GTPBP4: variants seen among roughly 807,000 people sequenced by gnomAD.
GTPBP4 encodes the protein GTP binding protein 4.
Under a neutral mutation model 81.7 loss-of-function variants are expected in GTPBP4, and 15 were observed. That is an observed-to-expected ratio of 0.18 (90% CI 0.12 to 0.28). The LOEUF (loss-of-function observed/expected upper bound fraction) is 0.28. Ranked by LOEUF, GTPBP4 falls within the 10% of genes least tolerant of loss-of-function variation. GTPBP4 has a pLI of 1.00. For missense variants in GTPBP4, 847 were observed against 793.8 expected (o/e 1.07, Z -0.81); for synonymous variants, 272 against 274.6 (o/e 0.99, Z 0.09).
intron 2 of GTPBP4, among the ~76,000 whole-genome samples, chr10:993,933 A>G (rs1429928659): frequency 6.6e-6 from 1 of 150,888 alleles, no homozygotes; most frequent in Non-Finnish European, 1.5e-5. Context: ...CTAGTTTTGT[A>G]TTTTTAGTAG....
chr10:1,000,356 G>A (rs925624769), intron 6 of GTPBP4, among the ~76,000 whole-genome samples: 1 of 146,956 alleles, frequency 6.8e-6, no homozygotes, highest in Non-Finnish European at 1.5e-5. Flanking sequence ...TCCTACCTCA[G>A]CCTCCCGAGT....
chr10:998,885 A>G (rs1831578167), intron 5 of GTPBP4, 118 bp from the exon 6 acceptor site: 1 of 673,946 alleles, frequency 1.5e-6, no homozygotes, highest in Middle Eastern at 2.4e-4. Context: ...ATGCAGTTTT[A>G]TCGTGTGAGG....
Position 1,019,817 on chromosome 10 carries a change from A to G in GTPBP4, c.*2590A>G, listed in dbSNP as rs1564473978. The G allele has an allele frequency of 6.2e-7, 1 of 1,613,718 alleles. No homozygotes were observed. The highest frequency in any genetic ancestry group is 8.5e-7 in the Non-Finnish European group (1 of 1,179,592). On this transcript the variant is annotated 3_prime_UTR_variant, in exon 17 of 17. Transcript: ENST00000360803. ...TGTGGTGATAGATTGTCATGAACACAATGTCCTCTGGAGAAATCTATTGAC... is the reference window on the plus strand; with the variant it reads ...TGTGGTGATAGATTGTCATGAACACGATGTCCTCTGGAGAAATCTATTGAC...
At chr10:1,013,336 G>T (rs183258013) in intron 14 of GTPBP4, among the ~76,000 whole-genome samples, 5 of 151,542 alleles carry the variant, frequency 3.3e-5, no homozygotes, top group South Asian at 4.2e-4. Flanking sequence ...TAGGCCGGGC[G>T]CAGTGGCTCA....
intron 5 of GTPBP4, among the ~76,000 whole-genome samples, chr10:998,694 C>T (rs903619561): frequency 6.6e-6 from 1 of 152,226 alleles, no homozygotes; most frequent in Non-Finnish European, 1.5e-5. Context: ...CCGGTTTGGA[C>T]AGTGCAGACA....
chr10:993,058 G>A (rs1024763411), intron 2 of GTPBP4, among the ~76,000 whole-genome samples: 1 of 151,426 alleles, frequency 6.6e-6, no homozygotes, highest in African/African-American at 2.4e-5. Flanking sequence ...TTTTTCCTCT[G>A]GGCTCAGCTT....
rs535033037 is a variant in GTPBP4 at position 1,001,137 on chromosome 10, A to G, written c.912+124A>G. The G allele has an allele frequency of 5.9e-6, 4 of 672,684 alleles. No homozygotes were observed. The Admixed American group carries it at 9.9e-5, about 17-fold the overall frequency. The allele number at this position is 672,684 out of a possible 1,614,324, so 41.7% of individuals were successfully genotyped here. ...TCCACAATTGTATTTTATAGTTGAGATAATATCCTCAGTGGTTTAGTGAAA... is the reference window on the plus strand; with the variant it reads ...TCCACAATTGTATTTTATAGTTGAGGTAATATCCTCAGTGGTTTAGTGAAA... On this transcript the variant is annotated intron_variant, in intron 8 of 16. Transcript: ENST00000360803.
chr10:1,005,426 G>A (rs1328988736), intron 8 of GTPBP4, among the ~76,000 whole-genome samples: 1 of 152,184 alleles, frequency 6.6e-6, no homozygotes, highest in Non-Finnish European at 1.5e-5. Context: ...TTACAGGCAT[G>A]AGCCACCGCG....
Position 999,026 on chromosome 10 carries a change from C to G in GTPBP4, c.585C>G (p.Val195=). 6.2e-7 allele frequency: 1 copy of G among 1,606,474 alleles called. No homozygotes were observed. The highest frequency in any genetic ancestry group is 1.3e-5 in the African/African-American group (1 of 74,934). The change falls in exon 6 of 17, where the codon GTC becomes GTG. Residue 195 remains valine, a synonymous_variant. Transcript: ENST00000360803. ...INKVTRADVD[V]QPYAFTTKSL... ...AGGTGACGAGAGCAGACGTGGATGT[C>G]CAGCCCTATGCGTTCACAACCAAGT...
intron 1 of GTPBP4, among the ~76,000 whole-genome samples, chr10:991,991 G>A (rs1056419813): frequency 2.7e-5 from 4 of 150,622 alleles, no homozygotes; most frequent in African/African-American, 4.9e-5. Flanking sequence ...CACCGCGCCC[G>A]GCCGGTGTAA....
At chr10:1,006,956 C>A in intron 9 of GTPBP4, 62 bp from the exon 10 acceptor site, 2 of 1,018,838 alleles carry the variant, frequency 2.0e-6, no homozygotes, top group Non-Finnish European at 3.1e-6. Context: ...CCTCCTGGAA[C>A]CTGTAGCTGG....
At chr10:990,460 C>T (rs1235482336) in intron 1 of GTPBP4, among the ~76,000 whole-genome samples, 2 of 152,058 alleles carry the variant, frequency 1.3e-5, no homozygotes, top group African/African-American at 2.4e-5. Flanking sequence ...CGGTGGCTCT[C>T]GCCTGTAATC....
intron 16 of GTPBP4, 125 bp from the exon 17 acceptor site, chr10:1,016,950 G>A: frequency 1.5e-6 from 1 of 666,642 alleles, no homozygotes; most frequent in Admixed American, 2.9e-5. Context: ...GAAAAGAGAT[G>A]TAACAGGGTC....
rs768103886 is a variant in GTPBP4, at chr10:1,019,604, G to T, written c.*2377G>T. On this transcript the variant is annotated 3_prime_UTR_variant, in exon 17 of 17. Transcript: ENST00000360803. ...ACCGGTACAGAAACCTCTCGGCAAT[G>T]GTTCTTAGCCAGGGGGTGACTTTGA... 5 of 1,614,010 alleles carry T rather than the reference G, an allele frequency of 3.1e-6. No homozygotes were observed. In the East Asian group the frequency reaches 8.9e-5, roughly 29 times the overall value.
At chr10:1,010,638 A>G (rs1315371110) in intron 13 of GTPBP4, 118 bp downstream of exon 13, 2 of 716,434 alleles carry the variant, frequency 2.8e-6, no homozygotes, top group Non-Finnish European at 5.1e-6. Flanking sequence ...GCACCCCTCC[A>G]TCCTGACTCT....
chr10:1,002,744 C>G (rs1213252271), intron 8 of GTPBP4, among the ~76,000 whole-genome samples: 2 of 152,144 alleles, frequency 1.3e-5, no homozygotes, highest in Non-Finnish European at 2.9e-5. Context: ...ATCCCATTGT[C>G]TCCTGGCGTG....
At chr10:999,924 A>C (rs1490229767) in intron 6 of GTPBP4, among the ~76,000 whole-genome samples, 2 of 152,210 alleles carry the variant, frequency 1.3e-5, no homozygotes, top group Non-Finnish European at 2.9e-5. Context: ...GTGCCATTGC[A>C]CTCCAGCCTG....
rs974625788 is a variant in GTPBP4, at chr10:1,000,668, C to A, written c.655-9C>A. 1.3e-6 allele frequency: 2 copies of A among 1,490,570 alleles called. No individual in the cohort carries two copies. Among genetic ancestry groups the A allele is most frequent in the African/African-American group, 2.8e-5 (2 of 71,010 alleles). The allele number at this position is 1,490,570 out of a possible 1,614,324, so 92.3% of individuals were successfully genotyped here. On this transcript the variant is annotated splice_polypyrimidine_tract_variant and intron_variant, in intron 6 of 16. Coordinates refer to ENST00000360803, the MANE Select transcript of GTPBP4 (RefSeq NM_012341.3). The stretch of plus-strand genomic sequence containing the variant: ...GTGTGCTTTCAGTGACAAGGTCTGG[C>A]TGTGTTAGGTTGTAGACACTCCTGG...
At chr10:1,001,281 A>G (rs1831626348) in intron 8 of GTPBP4, among the ~76,000 whole-genome samples, 1 of 152,208 alleles carries the variant, frequency 6.6e-6, no homozygotes, top group Non-Finnish European at 1.5e-5. Context: ...GGAAAATGTG[A>G]TTACTTAGGA....
Sources: gnomAD v4.1 joint callset for allele counts (sites outside exome capture counted in the v4.1 genomes callset) on GRCh38, gnomAD v4.1.1 for gene constraint, MANE v1.5 for transcripts, NCBI Gene and HGNC (gene_info 2026-07-23, HGNC 2026-07-21) for gene names.